SLC2A14: variants seen among roughly 807,000 people sequenced by gnomAD.
SLC2A14 encodes the protein solute carrier family 2, facilitated glucose transporter member 14.
SLC2A14 carries 13 observed loss-of-function variants against 43.0 expected under a neutral mutation model. That is an observed-to-expected ratio of 0.30 (90% CI 0.20 to 0.48). SLC2A14 has a LOEUF of 0.48. Among genes scored for constraint, SLC2A14 ranks in the 20% least tolerant of loss-of-function variants. SLC2A14 has a pLI of 0.99. For missense variants in SLC2A14, 428 were observed against 620.4 expected (o/e 0.69, Z 3.29); for synonymous variants, 190 against 233.8 (o/e 0.81, Z 1.71).
intron 1 of SLC2A14, chr12:7,871,175 T>C: frequency 7.9e-7 from 1 of 1,260,508 alleles, no homozygotes. Context: ...CAAAACGCCT[T>C]CACCTGCTTC....
At chr12:7,867,497 C>T (rs1422322768) in intron 2 of SLC2A14, among the ~76,000 whole-genome samples, 1 of 151,884 alleles carries the variant, frequency 6.6e-6, no homozygotes, top group Non-Finnish European at 1.5e-5. Context: ...TGAATTGTTG[C>T]AATCTCATAA....
chr12:7,847,530 G>A (rs761462649), intron 2 of SLC2A14, among the ~76,000 whole-genome samples: 21 of 152,302 alleles, frequency 1.4e-4, no homozygotes, highest in African/African-American at 4.8e-4. Context: ...TTTGCCAGCA[G>A]GGACTGGATT....
chr12:7,877,421 C>A (rs772701084), upstream of SLC2A14, among the ~76,000 whole-genome samples: 41 of 151,812 alleles, frequency 2.7e-4, 1 homozygote, highest in African/African-American at 9.7e-4. Flanking sequence ...AGAGAGAGTA[C>A]AAAATTTTTT....
intron 2 of SLC2A14, among the ~76,000 whole-genome samples, chr12:7,867,280 C>CAAA (rs755003596): frequency 2.5e-4 from 18 of 71,190 alleles, no homozygotes; most frequent in South Asian, 4.7e-4. Flanking sequence ...GACTCCGTCT[C>CAAA]AAAAAAAAAA....
rs751484413 is a variant in SLC2A14 at position 7,890,936 on chromosome 12, A to G, written c.132+60T>C. 234 of 1,487,078 alleles carry G rather than the reference A, an allele frequency of 1.6e-4. 3 individuals are homozygous for G. The highest frequency in any genetic ancestry group is 2.0e-4 in the Non-Finnish European group (225 of 1,118,922). The allele number at this position is 1,487,078 out of a possible 1,614,324, so 92.1% of individuals were successfully genotyped here. ...GAGGGCAAGTTTTTCCCTTTTTTAA[A>G]GAAATCATCCTCGACATGGACTACC... On this transcript the variant is annotated intron_variant, in intron 1 of 9. Coordinates refer to the SLC2A14 transcript ENST00000539924.
At chr12:7,854,963 C>T (rs1371133853) in intron 2 of SLC2A14, among the ~76,000 whole-genome samples, 3 of 152,112 alleles carry the variant, frequency 2.0e-5, no homozygotes, top group Non-Finnish European at 4.4e-5. Flanking sequence ...GTGTCTGCCA[C>T]CACGACCAGC....
upstream of SLC2A14, chr12:7,891,175 T>C (rs944906422): frequency 1.3e-6 from 2 of 1,517,474 alleles, no homozygotes; most frequent in African/African-American, 1.4e-5. Flanking sequence ...CTGCTCCCAG[T>C]GCAGACCCAG....
Position 7,832,739 on chromosome 12 carries a change from T to C in SLC2A14, c.94A>G (p.Ile32Val), listed in dbSNP as rs1232829603. Residue 32 changes from isoleucine (I) to valine (V), a missense_variant, in exon 3 of 11, where the codon ATC (isoleucine) becomes GTC (valine). Transcript: ENST00000431042. ...SFQFGYNTGV[I>V]NAPETIIKEF... ...GCACTCACCGTCTCAGGAGCATTGA[T>C]GACCCCAGTGTTGTAGCCAAACTGG... The C allele has an allele frequency of 4.3e-6, 7 of 1,614,022 alleles. No homozygotes were observed. The highest frequency in any genetic ancestry group is 1.7e-5 in the Admixed American group (1 of 59,994).
intron 2 of SLC2A14, among the ~76,000 whole-genome samples, chr12:7,833,781 CA>C (rs35210860): frequency 6.6e-4 from 70 of 105,914 alleles, no homozygotes; most frequent in African/African-American, 1.3e-3. Flanking sequence ...GACTCTGTCT[CA>C]AAAAAAAAAA....
chr12:7,829,346 G>A (rs1436308817), intron 5 of SLC2A14, among the ~76,000 whole-genome samples: 1 of 152,000 alleles, frequency 6.6e-6, no homozygotes, highest in East Asian at 1.9e-4. Flanking sequence ...GATCACCTGA[G>A]GTCAGGAGTT....
chr12:7,841,075 C>T (rs777471076), intron 2 of SLC2A14, among the ~76,000 whole-genome samples: 28 of 152,142 alleles, frequency 1.8e-4, no homozygotes, highest in African/African-American at 5.5e-4. Flanking sequence ...GGTGGTGAAG[C>T]GGATGGAGAG....
chr12:7,840,252 C>T (rs1460812116), intron 2 of SLC2A14, among the ~76,000 whole-genome samples: 2 of 148,334 alleles, frequency 1.3e-5, no homozygotes, highest in Admixed American at 6.9e-5. Flanking sequence ...GAGCAACAGT[C>T]GCCATCTTAG....
Position 7,870,228 on chromosome 12 carries a change from TTC to T in SLC2A14, c.-57-293_-57-292del, listed in dbSNP as rs760928218. On this transcript the variant is annotated intron_variant, in intron 1 of 10. Coordinates refer to ENST00000431042, the MANE Select transcript of SLC2A14 (RefSeq NM_001286234.2). ...ATGTCTCTCCTATATTTTGAGTTGT[TTC>T]TCTGTCACCAACTAGCAGTTTCCCC... Among the ~76,000 whole-genome samples, 79 of 152,264 alleles carry T rather than the reference TTC, an allele frequency of 5.2e-4. 1 individual carries two copies. The highest frequency in any genetic ancestry group is 2.0e-3 in the Admixed American group (30 of 15,280).
At chr12:7,852,230 T>C (rs1354826048) in intron 2 of SLC2A14, among the ~76,000 whole-genome samples, 1 of 152,112 alleles carries the variant, frequency 6.6e-6, no homozygotes, top group Admixed American at 6.5e-5. Context: ...AAATGAGATA[T>C]GGTGAAAGTA....
chr12:7,853,637 A>G (rs1867119611), intron 2 of SLC2A14, among the ~76,000 whole-genome samples: 1 of 152,028 alleles, frequency 6.6e-6, no homozygotes, highest in African/African-American at 2.4e-5. Flanking sequence ...GAATTATAAA[A>G]GGCAAACATA....
intron 2 of SLC2A14, among the ~76,000 whole-genome samples, chr12:7,854,554 C>T (rs762119588): frequency 1.3e-5 from 2 of 151,964 alleles, no homozygotes; most frequent in African/African-American, 2.4e-5. Context: ...CAATGGCCCA[C>T]GAGTGCAATG....
chr12:7,815,291 C>T (rs144019419), intron 10 of SLC2A14, among the ~76,000 whole-genome samples: 2,775 of 152,024 alleles, frequency 0.018, 75 homozygotes, highest in African/African-American at 0.064. Flanking sequence ...TGGCACGTGC[C>T]TGTAATCCTA....
At chr12:7,863,119 T>G (rs1375382068) in intron 2 of SLC2A14, among the ~76,000 whole-genome samples, 1 of 152,294 alleles carries the variant, frequency 6.6e-6, no homozygotes, top group Middle Eastern at 3.4e-3. Flanking sequence ...GTTGCTTTTA[T>G]GAGCTGTAAC....
At chr12:7,838,405 T>C (rs1025643539) in intron 2 of SLC2A14, among the ~76,000 whole-genome samples, 11 of 152,132 alleles carry the variant, frequency 7.2e-5, no homozygotes, top group African/African-American at 2.7e-4. Context: ...TTTTAAAAAA[T>C]GGAATTTGCC....
Sources: allele counts gnomAD v4.1 joint callset (sites outside exome capture counted in the v4.1 genomes callset), GRCh38; gene constraint gnomAD v4.1.1; transcripts MANE v1.5; gene names NCBI Gene and HGNC (gene_info 2026-07-23, HGNC 2026-07-21).